The following METTL25 variants were observed in gnomAD, a reference collection of about 807,000 sequenced individuals.
The protein encoded by METTL25 is methyltransferase like 25.
Under a neutral mutation model 71.6 loss-of-function variants are expected in METTL25, and 64 were observed. The observed-to-expected ratio is 0.89, with a 90% CI of 0.73 to 1.10. The LOEUF (loss-of-function observed/expected upper bound fraction) is 1.10. METTL25 is among the 50% of genes least tolerant of loss of function. METTL25 has a pLI of 0.00. For missense variants in METTL25, 807 were observed against 707.0 expected, an observed-to-expected ratio of 1.14 and a Z score of -1.60; for synonymous variants, 287 against 250.3, an observed-to-expected ratio of 1.15 and a Z score of -1.38.
At chr12:82,416,468 G>A (rs1377303022) in intron 5 of METTL25, among the ~76,000 whole-genome samples, 1 of 145,062 alleles carries the variant, frequency 6.9e-6, no homozygotes, top group Non-Finnish European at 1.5e-5. Context: ...TTTTGAGACA[G>A]GGTCTCACTC....
intron 9 of METTL25, among the ~76,000 whole-genome samples, chr12:82,468,255 A>G (rs962110079): frequency 2.0e-5 from 3 of 152,136 alleles, no homozygotes; most frequent in African/African-American, 7.2e-5. Flanking sequence ...AGATTGGCCA[A>G]CTGGAAAAAT....
chr12:82,399,299 A>G lies in METTL25; in HGVS notation c.1036A>G (p.Met346Val). 6.2e-7 allele frequency: 1 copy of G among 1,613,504 alleles called. No homozygotes were observed. The highest frequency in any genetic ancestry group is 8.5e-7 in the Non-Finnish European group (1 of 1,179,682). The change falls in exon 4 of 12, where the codon ATG (methionine) becomes GTG (valine). Residue 346 changes from methionine to valine, a missense_variant. Coordinates refer to ENST00000248306, the MANE Select transcript of METTL25 (RefSeq NM_032230.3). ...TGAAGCCAATAAAGAGAGAAGAAAA[A>G]TGACATCAAAGTCAAGTGAATCAAA... ...TSEANKERRK[M>V]TSKSSESNIY... is the part of the protein sequence containing the mutation.
intron 8 of METTL25, among the ~76,000 whole-genome samples, chr12:82,440,228 A>G (rs1890216607): frequency 6.6e-6 from 1 of 151,880 alleles, no homozygotes; most frequent in Non-Finnish European, 1.5e-5. Flanking sequence ...TCCTATCTCT[A>G]TATTTCCTCT....
intron 2 of METTL25, among the ~76,000 whole-genome samples, chr12:82,389,054 A>G (rs1300819156): frequency 1.3e-5 from 2 of 152,048 alleles, no homozygotes; most frequent in Non-Finnish European, 1.5e-5. Context: ...CCAGTCCTAC[A>G]TTTCAGTTCC....
At chr12:82,463,132 T>C (rs1891999420) in intron 9 of METTL25, among the ~76,000 whole-genome samples, 1 of 152,040 alleles carries the variant, frequency 6.6e-6, no homozygotes. Context: ...TATTGTTAAC[T>C]ATAGTCATCC....
chr12:82,404,771 C>T (rs949214670), intron 5 of METTL25, among the ~76,000 whole-genome samples: 3 of 152,120 alleles, frequency 2.0e-5, no homozygotes. Context: ...GGTGAAACTC[C>T]GTTTCTACTA....
intron 5 of METTL25, among the ~76,000 whole-genome samples, chr12:82,406,230 G>A (rs1008980870): frequency 7.9e-5 from 12 of 152,100 alleles, no homozygotes; most frequent in African/African-American, 2.7e-4. Flanking sequence ...CTCAATCCTA[G>A]GAACCAGATA....
In METTL25 at chr12:82,456,810, A is replaced by G. The variant is rs1383552164; in HGVS notation, c.1562A>G (p.Asp521Gly). 1.3e-6 allele frequency: 2 copies of G among 1,572,438 alleles called. No individual in the cohort carries two copies. Among genetic ancestry groups the G allele is most frequent in the Non-Finnish European group, 1.7e-6 (2 of 1,148,910 alleles). ...CGGTCTCTAAAGAAGCTTGGATTAG[A>G]TGAGTCCAAGGTCAGTATATGATGA... ...VRRSLKKLGL[D>G]ESKLPEKIIM... The change falls in exon 9 of 12, where the codon GAT becomes GGT. Residue 521 changes from aspartate to glycine, a missense_variant. Coordinates refer to ENST00000248306, the MANE Select transcript of METTL25 (RefSeq NM_032230.3).
chr12:82,423,850 C>T (rs931213699), intron 5 of METTL25, among the ~76,000 whole-genome samples: 1 of 152,164 alleles, frequency 6.6e-6, no homozygotes, highest in Non-Finnish European at 1.5e-5. Context: ...CATCTCACGC[C>T]AGTTAGAATA....
intron 7 of METTL25, chr12:82,438,517 T>C (rs888921969): frequency 6.4e-6 from 2 of 313,134 alleles, no homozygotes; most frequent in African/African-American, 2.2e-5. Flanking sequence ...GGTTTCTTTT[T>C]TTTTTTTTTT....
intron 5 of METTL25, among the ~76,000 whole-genome samples, chr12:82,425,709 G>A (rs1263290191): frequency 2.0e-5 from 3 of 152,010 alleles, no homozygotes; most frequent in Non-Finnish European, 4.4e-5. Flanking sequence ...TAATGAGTAG[G>A]TATTGCATTA....
intron 8 of METTL25, among the ~76,000 whole-genome samples, chr12:82,445,486 T>C (rs762548077): frequency 3.3e-5 from 5 of 152,154 alleles, no homozygotes; most frequent in Non-Finnish European, 7.4e-5. Flanking sequence ...TTGCGAGTAT[T>C]CGTTTAAAAC....
chr12:82,473,011 G>T (rs554087075), intron 9 of METTL25, among the ~76,000 whole-genome samples: 45 of 152,130 alleles, frequency 3.0e-4, no homozygotes, highest in Non-Finnish European at 4.3e-4. Context: ...GATATTAGTT[G>T]GGTGGGGTAC....
At chr12:82,409,642 C>T (rs781019990) in intron 5 of METTL25, among the ~76,000 whole-genome samples, 22 of 152,032 alleles carry the variant, frequency 1.4e-4, no homozygotes, top group Non-Finnish European at 2.9e-4. Context: ...TTCCCTGCCT[C>T]CTCCCAGCCT....
chr12:82,420,225 G>A (rs1888358368), intron 5 of METTL25, among the ~76,000 whole-genome samples: 4 of 152,010 alleles, frequency 2.6e-5, no homozygotes, highest in Admixed American at 2.6e-4. Context: ...AGGGTACAAA[G>A]TTTTGATTAT....
At chr12:82,383,248 C>T (rs1171811542) in intron 1 of METTL25, among the ~76,000 whole-genome samples, 1 of 151,932 alleles carries the variant, frequency 6.6e-6, no homozygotes, top group Non-Finnish European at 1.5e-5. Context: ...GTTCTCGGCT[C>T]ACTGCAACCT....
At chr12:82,385,361 T>C (rs1355610634) in intron 1 of METTL25, among the ~76,000 whole-genome samples, 1 of 152,158 alleles carries the variant, frequency 6.6e-6, no homozygotes, top group Admixed American at 6.5e-5. Context: ...GAAGATTAGC[T>C]ATGCTGGAGA....
chr12:82,364,124 G>A (rs908931703), intron 1 of METTL25, among the ~76,000 whole-genome samples: 1 of 152,202 alleles, frequency 6.6e-6, no homozygotes, highest in Non-Finnish European at 1.5e-5. Flanking sequence ...CAGTTTTTGT[G>A]GGTCAGGAAT....
chr12:82,377,410 C>G (rs1008974163), intron 1 of METTL25, among the ~76,000 whole-genome samples: 1 of 152,054 alleles, frequency 6.6e-6, no homozygotes, highest in African/African-American at 2.4e-5. Flanking sequence ...ATATTCTGAC[C>G]TGTATGTTTG....
Sources: gnomAD v4.1 joint callset for allele counts (sites outside exome capture counted in the v4.1 genomes callset) on GRCh38, gnomAD v4.1.1 for gene constraint, MANE v1.5 for transcripts, NCBI Gene and HGNC (gene_info 2026-07-23, HGNC 2026-07-21) for gene names.